Variants in UBE2U observed in about 807,000 individuals in gnomAD.
UBE2U encodes the protein ubiquitin-conjugating enzyme E2 U.
A neutral mutation model predicts 41.2 loss-of-function variants in UBE2U; 39 were observed. The observed-to-expected ratio is 0.95, with a 90% CI of 0.73 to 1.24. The LOEUF (loss-of-function observed/expected upper bound fraction) is 1.24. Among genes scored for constraint, UBE2U ranks in the 50% most tolerant of loss-of-function variants. The pLI is 0.00. For missense variants in UBE2U, 336 were observed against 363.1 expected (o/e 0.93, Z 0.61); for synonymous variants, 107 against 117.8 (o/e 0.91, Z 0.60).
At position 64,260,591 on chromosome 1, in the gene UBE2U, TTC is replaced by T. The variant is rs1483266580; in HGVS notation, c.678-8_678-7del. On this transcript the variant is annotated splice_polypyrimidine_tract_variant and intron_variant, in intron 8 of 9. Transcript: ENST00000371077. ...TTCATTTGGGAATTTAGTTTTCTTTTTCTCTTTCTAGGTATTCCGTTATCAAG... is the reference window on the plus strand; with the variant it reads ...TTCATTTGGGAATTTAGTTTTCTTTTTCTTTCTAGGTATTCCGTTATCAAG... The T allele has an allele frequency of 6.5e-7, 1 of 1,540,132 alleles. No homozygotes were observed. The highest frequency in any genetic ancestry group is 1.4e-5 in the African/African-American group (1 of 72,612).
intron 4 of UBE2U, among the ~76,000 whole-genome samples, chr1:64,213,691 A>G (rs1240798932): frequency 1.3e-5 from 2 of 152,216 alleles, no homozygotes; most frequent in South Asian, 2.1e-4. Context: ...ATGAACCTGA[A>G]TTTTTACATT....
chr1:64,239,512 TC>T (rs1273843862), intron 7 of UBE2U, among the ~76,000 whole-genome samples: 5 of 107,688 alleles, frequency 4.6e-5, no homozygotes, highest in Admixed American at 2.1e-4. Context: ...ATGCTATCCC[TC>T]CCCCCTCCCC....
In UBE2U at chr1:64,267,339, A is replaced by G. The variant is rs867395103; in HGVS notation, c.*131A>G. On this transcript the variant is annotated 3_prime_UTR_variant, in exon 10 of 10. Transcript: ENST00000371077. ...GTTCTCACCCACTCACTGCAAGTAC[A>G]AATTAGAAATATAAGTACAAATCAG... 47 of 706,004 alleles carry G rather than the reference A, an allele frequency of 6.7e-5. 1 individual carries two copies. The Middle Eastern group carries it at 1.3e-3, about 19-fold the overall frequency. The allele number at this position is 706,004 out of a possible 1,614,324, so 43.7% of individuals were successfully genotyped here.
At chr1:64,220,957 A>G in intron 6 of UBE2U, 50 bp downstream of exon 6, 1 of 1,284,338 alleles carries the variant, frequency 7.8e-7, no homozygotes, top group Non-Finnish European at 1.1e-6. Context: ...CAAAAGGACT[A>G]TTTATTTAAA....
intron 7 of UBE2U, among the ~76,000 whole-genome samples, chr1:64,238,274 G>T (rs569696683): frequency 9.2e-5 from 14 of 152,018 alleles, no homozygotes; most frequent in Admixed American, 9.2e-4. Context: ...GCATGGTGGC[G>T]CATGCCTATA....
At chr1:64,261,689 G>C (rs866840763) in intron 9 of UBE2U, among the ~76,000 whole-genome samples, 2 of 152,228 alleles carry the variant, frequency 1.3e-5, no homozygotes, top group Middle Eastern at 3.4e-3. Flanking sequence ...GTACCTGTGA[G>C]GTAGGAAATG....
intron 6 of UBE2U, among the ~76,000 whole-genome samples, chr1:64,223,554 A>T (rs1381707320): frequency 6.6e-6 from 1 of 152,184 alleles, no homozygotes. Flanking sequence ...TCACTAAGTC[A>T]TCCATCTCTG....
At chr1:64,259,536 C>T (rs1183962628) in intron 8 of UBE2U, among the ~76,000 whole-genome samples, 1 of 152,114 alleles carries the variant, frequency 6.6e-6, no homozygotes, top group Admixed American at 6.5e-5. Context: ...CAGCTTTCTA[C>T]ATATGGCTAG....
chr1:64,225,945 G>C (rs1170864417), intron 6 of UBE2U, among the ~76,000 whole-genome samples: 1 of 152,196 alleles, frequency 6.6e-6, no homozygotes, highest in Admixed American at 6.5e-5. Flanking sequence ...CAACCAGTTT[G>C]AAACAGTTTA....
intron 7 of UBE2U, among the ~76,000 whole-genome samples, chr1:64,238,445 G>A (rs1190304936): frequency 6.6e-6 from 1 of 151,178 alleles, no homozygotes; most frequent in Admixed American, 6.6e-5. Flanking sequence ...ATCTGCTAAT[G>A]TTAATTATTA....
At chr1:64,213,235 T>C (rs1285390754) in intron 4 of UBE2U, among the ~76,000 whole-genome samples, 1 of 152,152 alleles carries the variant, frequency 6.6e-6, no homozygotes, top group Non-Finnish European at 1.5e-5. Context: ...GCACTCACAT[T>C]GCTTGGGTCA....
intron 9 of UBE2U, 115 bp from the exon 10 acceptor site, chr1:64,266,909 T>A (rs999326642): frequency 2.4e-5 from 22 of 902,366 alleles, no homozygotes; most frequent in Admixed American, 1.5e-4. Context: ...AAAAGGTTGC[T>A]CACATTCATT....
intron 3 of UBE2U, among the ~76,000 whole-genome samples, chr1:64,209,304 A>G (rs1651516921): frequency 6.6e-6 from 1 of 152,172 alleles, no homozygotes; most frequent in African/African-American, 2.4e-5. Context: ...AGGTATAGGA[A>G]AACTTGTGAC....
At chr1:64,206,900 A>G (rs752382431) in intron 3 of UBE2U, 44 bp downstream of exon 3, 9 of 1,108,666 alleles carry the variant, frequency 8.1e-6, no homozygotes, top group Non-Finnish European at 1.1e-5. Flanking sequence ...CTTTGTCCCT[A>G]TTATCCTTGT....
In UBE2U at chr1:64,204,068, C is replaced by T; in HGVS notation, c.18C>T (p.Tyr6=). 2.5e-6 allele frequency: 4 copies of T among 1,613,844 alleles called. No homozygotes were observed. Among genetic ancestry groups the T allele is most frequent in the Non-Finnish European group, 3.4e-6 (4 of 1,179,870 alleles). MHGRA[Y]LLLHRDFCDL... Reference sequence around the variant, plus strand: ...TGCCTATCATGCACGGCAGAGCTTACCTCTTGCTGCACAGAGACTTCTGTG... The same window carrying T: ...TGCCTATCATGCACGGCAGAGCTTATCTCTTGCTGCACAGAGACTTCTGTG... The change falls in exon 1 of 10, where the codon TAC becomes TAT. Residue 6 remains tyrosine (Y), a synonymous_variant. Transcript: ENST00000371077.
intron 9 of UBE2U, among the ~76,000 whole-genome samples, chr1:64,261,862 C>A (rs1452604952): frequency 1.3e-5 from 2 of 152,192 alleles, no homozygotes; most frequent in Non-Finnish European, 2.9e-5. Flanking sequence ...AGACTGGTGA[C>A]AAAGCTATGT....
intron 6 of UBE2U, among the ~76,000 whole-genome samples, chr1:64,230,523 A>C (rs1644543242): frequency 6.6e-6 from 1 of 152,072 alleles, no homozygotes; most frequent in African/African-American, 2.4e-5. Context: ...CTGTGTGTAC[A>C]TATGTGCACG....
intron 8 of UBE2U, among the ~76,000 whole-genome samples, chr1:64,251,744 A>C (rs1369285322): frequency 6.6e-6 from 1 of 152,180 alleles, no homozygotes. Context: ...CCCTGCTACC[A>C]GGGCCTTGGG....
chr1:64,214,833 G>C lies in UBE2U; in HGVS notation c.358G>C (p.Val120Leu). ...CCTATAGGTTATGCTTTCTAATCCA[G>C]TGCTAGAGAATCCAGTGAATTTGGA... ...LALQVMLSNP[V>L]LENPVNLEAA... is the part of the protein sequence containing the mutation. Residue 120 changes from valine to leucine, a missense_variant, in exon 5 of 10, where the codon GTG becomes CTG. Physicochemically the swap from Val to Leu is conservative, Grantham distance 32. Coordinates refer to ENST00000371077, the MANE Select transcript of UBE2U (RefSeq NM_001366232.2). The C allele has an allele frequency of 1.2e-6, 2 of 1,613,982 alleles. No homozygotes were observed. Among genetic ancestry groups the C allele is most frequent in the Non-Finnish European group, 1.7e-6 (2 of 1,179,860 alleles).
Sources: gnomAD v4.1 joint callset for allele counts (sites outside exome capture counted in the v4.1 genomes callset) on GRCh38, gnomAD v4.1.1 for gene constraint, MANE v1.5 for transcripts, NCBI Gene and HGNC (gene_info 2026-07-23, HGNC 2026-07-21) for gene names.